Variants in HORMAD2 observed in about 807,000 individuals in gnomAD.
HORMAD2 encodes the protein HORMA domain-containing protein 2.
HORMAD2 carries 45 observed loss-of-function variants against 38.8 expected under a neutral mutation model. The ratio of observed to expected loss-of-function variants is 1.16; its 90% CI spans 0.91 to 1.49. The LOEUF (loss-of-function observed/expected upper bound fraction) is 1.49. HORMAD2 is among the 40% of genes most tolerant of loss of function. HORMAD2 has a pLI of 0.00. For synonymous variants in HORMAD2, 126 were observed against 122.8 expected (o/e 1.03, Z -0.17); for missense variants, 338 against 367.0 (o/e 0.92, Z 0.65).
Position 30,139,948 on chromosome 22 carries a change from C to T in HORMAD2, c.819+17734C>T, listed in dbSNP as rs118131178. Among the ~76,000 whole-genome samples the T allele has an allele frequency of 1.5e-4, 22 of 145,180 alleles. No individual in the cohort carries two copies. In the East Asian group the frequency reaches 4.1e-3, roughly 27 times the overall value. ...AGATCCCCCTTTATCATTGTGTGTA[C>T]GTGTATCTGTGTGTGTGTGTGTGTG... is the stretch of plus-strand genomic sequence containing the variant. On this transcript the variant is annotated intron_variant, in intron 10 of 10. Coordinates refer to ENST00000336726, the MANE Select transcript of HORMAD2 (RefSeq NM_152510.4).
chr22:30,109,367 G>A (rs1200738902), intron 5 of HORMAD2, among the ~76,000 whole-genome samples: 1 of 150,904 alleles, frequency 6.6e-6, no homozygotes, highest in Non-Finnish European at 1.5e-5. Context: ...GCTTAGGCTG[G>A]AGTGCATTGG....
At chr22:30,132,003 A>G (rs2146155058) in intron 10 of HORMAD2, among the ~76,000 whole-genome samples, 1 of 152,288 alleles carries the variant, frequency 6.6e-6, no homozygotes, top group African/African-American at 2.4e-5. Context: ...CTAGAAAGGT[A>G]TTTTTCTGAA....
intron 3 of HORMAD2, among the ~76,000 whole-genome samples, chr22:30,101,404 A>T (rs907840215): frequency 8.6e-5 from 13 of 152,012 alleles, no homozygotes; most frequent in African/African-American, 1.9e-4. Context: ...TGGAAACAGG[A>T]AGGGGAACAT....
the HORMAD2 span, among the ~76,000 whole-genome samples, chr22:30,195,181 A>G: frequency 7.0e-6 from 1 of 142,008 alleles, no homozygotes. Context: ...TGACAGAGCG[A>G]GACTCCGTCT....
At chr22:30,202,029 G>A in the HORMAD2 span, among the ~76,000 whole-genome samples, 1 of 152,060 alleles carries the variant, frequency 6.6e-6, no homozygotes, top group Non-Finnish European at 1.5e-5. Context: ...GTAGATTTTG[G>A]CTCAATATAA....
At chr22:30,186,935 G>A in the HORMAD2 span, among the ~76,000 whole-genome samples, 1 of 151,962 alleles carries the variant, frequency 6.6e-6, no homozygotes, top group South Asian at 2.1e-4. Context: ...TATATCTTTG[G>A]GAAATCCCTG....
the HORMAD2 span, among the ~76,000 whole-genome samples, chr22:30,200,757 A>ATTATTATTATTATT: frequency 1.4e-5 from 2 of 147,818 alleles, no homozygotes; most frequent in African/African-American, 5.0e-5. Flanking sequence ...TATTATTATT[A>ATTATTATTATTATT]TTATTATTTT....
intron 1 of HORMAD2, among the ~76,000 whole-genome samples, chr22:30,086,587 G>A (rs564140256): frequency 1.3e-5 from 2 of 152,284 alleles, no homozygotes; most frequent in East Asian, 3.9e-4. Flanking sequence ...AGCCATTGAA[G>A]TATTTCAATC....
At chr22:30,201,695 C>T in the HORMAD2 span, among the ~76,000 whole-genome samples, 578 of 152,226 alleles carry the variant, frequency 3.8e-3, 4 homozygotes, top group Middle Eastern at 6.8e-3. Context: ...GGATTACAGG[C>T]GTGAGCCACC....
rs1237473316 is a variant in HORMAD2 at position 30,122,202 on chromosome 22, A to T, written c.807A>T (p.Glu269Asp). The change falls in exon 10 of 11, where the codon GAA (glutamate) becomes GAT (aspartate). Residue 269 changes from glutamate (E) to aspartate (D), a missense_variant. Transcript: ENST00000336726. Reference protein sequence around the residue: ...HQGLDCDEEEECNDHIQRMNF... With the variant: ...HQGLDCDEEEDCNDHIQRMNF... ...GTCTAGACTGTGATGAGGAAGAAGAATGCAATGACCATGTAAGGCAAAGCT... is the reference window on the plus strand; with the variant it reads ...GTCTAGACTGTGATGAGGAAGAAGATTGCAATGACCATGTAAGGCAAAGCT... 1.2e-6 allele frequency: 2 copies of T among 1,611,216 alleles called. No homozygotes were observed. The highest frequency in any genetic ancestry group is 1.3e-5 in the African/African-American group (1 of 74,818).
intron 5 of HORMAD2, 163 bp downstream of exon 5, chr22:30,104,600 T>G: frequency 1.8e-6 from 1 of 540,982 alleles, no homozygotes; most frequent in Non-Finnish European, 3.2e-6. Flanking sequence ...CCTGTTGTTG[T>G]CTCCTTTGCA....
downstream of HORMAD2, among the ~76,000 whole-genome samples, chr22:30,179,459 A>G (rs1278156250): frequency 6.6e-6 from 1 of 152,230 alleles, no homozygotes; most frequent in East Asian, 1.9e-4. Context: ...TTGATAGAGA[A>G]GGAGGACACC....
chr22:30,134,897 A>G (rs1245856891), intron 10 of HORMAD2, among the ~76,000 whole-genome samples: 1 of 152,142 alleles, frequency 6.6e-6, no homozygotes, highest in East Asian at 1.9e-4. Context: ...ATATAATAAT[A>G]ATAGCCACCA....
At chr22:30,121,580 T>C in intron 8 of HORMAD2, 52 bp from the exon 9 acceptor site, 1 of 1,391,214 alleles carries the variant, frequency 7.2e-7, no homozygotes, top group Non-Finnish European at 9.5e-7. Flanking sequence ...CCTTTTGGGA[T>C]AGATTGCCAC....
chr22:30,133,729 T>C (rs1291643400), intron 10 of HORMAD2, among the ~76,000 whole-genome samples: 3 of 152,058 alleles, frequency 2.0e-5, no homozygotes, highest in Non-Finnish European at 4.4e-5. Context: ...AACAATACAG[T>C]ATAACTACAT....
chr22:30,183,857 G>A, the HORMAD2 span, among the ~76,000 whole-genome samples: 10 of 152,258 alleles, frequency 6.6e-5, 1 homozygote, highest in South Asian at 1.9e-3. Context: ...TTAAAAGAAA[G>A]CCAGTAGCCT....
At chr22:30,168,247 T>C (rs1925902260) in intron 10 of HORMAD2, among the ~76,000 whole-genome samples, 2 of 152,358 alleles carry the variant, frequency 1.3e-5, no homozygotes, top group South Asian at 2.1e-4. Flanking sequence ...CTCTACTTCA[T>C]AGAAATAATT....
chr22:30,166,096 G>A (rs1167651300), intron 10 of HORMAD2, among the ~76,000 whole-genome samples: 1 of 150,152 alleles, frequency 6.7e-6, no homozygotes, highest in Non-Finnish European at 1.5e-5. Context: ...ATGACTATTA[G>A]AATCAGCCTA....
At chr22:30,188,919 T>C in the HORMAD2 span, among the ~76,000 whole-genome samples, 1 of 152,008 alleles carries the variant, frequency 6.6e-6, no homozygotes, top group Non-Finnish European at 1.5e-5. Flanking sequence ...GCAGATTGCT[T>C]GAGCCTAGAA....
Sources: allele counts gnomAD v4.1 joint callset (sites outside exome capture counted in the v4.1 genomes callset), GRCh38; gene constraint gnomAD v4.1.1; transcripts MANE v1.5; gene names NCBI Gene and HGNC (gene_info 2026-07-23, HGNC 2026-07-21).